EAPP: variants seen among roughly 807,000 people sequenced by gnomAD.
EAPP encodes E2F associated phosphoprotein.
In EAPP, 38 loss-of-function variants were observed where a neutral mutation model predicts 34.3. That is an observed-to-expected ratio of 1.11 (90% confidence interval 0.85 to 1.45). The LOEUF is 1.45. EAPP is among the 40% of genes most tolerant of loss of function. The pLI is 0.00. For synonymous variants in EAPP, 113 were observed against 117.6 expected, an observed-to-expected ratio of 0.96 and a Z score of 0.25; for missense variants, 338 against 343.7, an observed-to-expected ratio of 0.98 and a Z score of 0.13.
chr14:34,524,375 T>G (rs1880022020), intron 5 of EAPP, among the ~76,000 whole-genome samples: 1 of 151,888 alleles, frequency 6.6e-6, no homozygotes, highest in Non-Finnish European at 1.5e-5. Flanking sequence ...TACGACAGAG[T>G]GAGACTTCAT....
rs111572676 is a variant in EAPP, at chr14:34,517,752, T to G, written c.582-1166A>C. Among the ~76,000 whole-genome samples the G allele has an allele frequency of 2.8e-3, 427 of 151,976 alleles. 1 individual carries two copies. Among genetic ancestry groups the G allele is most frequent in the African/African-American group, 9.9e-3 (410 of 41,514 alleles). ...TCATTCCTGCCTTGATCTTTATTAT[T>G]TCTTTCCTTTTATTTTATTTAATAA... On this transcript the variant is annotated intron_variant, in intron 5 of 5. Transcript: ENST00000250454.
chr14:34,527,084 C>T (rs1206999349), intron 4 of EAPP, among the ~76,000 whole-genome samples: 4 of 150,042 alleles, frequency 2.7e-5, no homozygotes, highest in African/African-American at 9.8e-5. Flanking sequence ...ACAGAAGAAT[C>T]GCTTGAACCT....
rs1186269355 is a variant in EAPP at position 34,516,553 on chromosome 14, C to A, written c.615G>T (p.Met205Ile). 1.2e-6 allele frequency: 2 copies of A among 1,613,648 alleles called. No homozygotes were observed. The highest frequency in any genetic ancestry group is 1.3e-5 in the African/African-American group (1 of 74,828). The stretch of plus-strand genomic sequence containing the variant: ...TGTTAATAGAACAATTCATTACAAA[C>A]ATTGCTCTATATTGAGTTTTGTATG... Reference protein sequence around the residue: ...HESYKTQYRAMFVMNCSINKE... With the variant: ...HESYKTQYRAIFVMNCSINKE... Residue 205 changes from methionine (M) to isoleucine (I), a missense_variant, in exon 6 of 6, where the codon ATG (methionine) becomes ATT (isoleucine). Physicochemically the swap from Met to Ile is conservative, Grantham distance 10. Coordinates refer to ENST00000250454, the MANE Select transcript of EAPP (RefSeq NM_018453.4).
intron 5 of EAPP, among the ~76,000 whole-genome samples, chr14:34,523,801 AG>A (rs1206751472): frequency 1.3e-5 from 2 of 152,096 alleles, no homozygotes; most frequent in Non-Finnish European, 2.9e-5. Flanking sequence ...AGCCTCCCAT[AG>A]CACTGGGATT....
chr14:34,523,215 G>T (rs1403502730), intron 5 of EAPP, among the ~76,000 whole-genome samples: 1 of 150,894 alleles, frequency 6.6e-6, no homozygotes, highest in African/African-American at 2.4e-5. Context: ...CTTCTATGCT[G>T]CTATTTTGCA....
At chr14:34,519,412 G>A (rs934057046) in intron 5 of EAPP, among the ~76,000 whole-genome samples, 5 of 152,020 alleles carry the variant, frequency 3.3e-5, no homozygotes, top group African/African-American at 1.2e-4. Flanking sequence ...GTGTGTGCCT[G>A]TAGTCCCAGC....
intron 1 of EAPP, among the ~76,000 whole-genome samples, chr14:34,536,879 A>C (rs1880495935): frequency 6.6e-6 from 1 of 152,134 alleles, no homozygotes; most frequent in Admixed American, 6.6e-5. Context: ...GTCTCAAAAA[A>C]TACATAGATA....
At chr14:34,532,324 C>T (rs1454279189) in intron 3 of EAPP, among the ~76,000 whole-genome samples, 3 of 151,510 alleles carry the variant, frequency 2.0e-5, no homozygotes, top group Non-Finnish European at 2.9e-5. Flanking sequence ...CCAGGCATGG[C>T]GACAGGCGTC....
chr14:34,533,996 T>G (rs531398515), intron 2 of EAPP, among the ~76,000 whole-genome samples: 1 of 152,182 alleles, frequency 6.6e-6, no homozygotes, highest in African/African-American at 2.4e-5. Flanking sequence ...CCTATACTTA[T>G]GTCATCATAT....
chr14:34,516,290 T>G lies in EAPP; in HGVS notation c.*20A>C. ...TTGCCTTATATACAGTATTGGGTAATTAAATGCCAGTTGGGCTGTTTAGGA... is the reference window on the plus strand; with the variant it reads ...TTGCCTTATATACAGTATTGGGTAAGTAAATGCCAGTTGGGCTGTTTAGGA... On this transcript the variant is annotated 3_prime_UTR_variant, in exon 6 of 6. Transcript: ENST00000250454. The G allele has an allele frequency of 6.3e-7, 1 of 1,595,044 alleles. No individual in the cohort carries two copies. The highest frequency in any genetic ancestry group is 8.5e-7 in the Non-Finnish European group (1 of 1,170,434).
chr14:34,536,458 A>ATTTTTTTTTTTTTTTTTTTTTTTTTTTTT, intron 1 of EAPP, 183 bp from the exon 2 acceptor site: 1 of 126,138 alleles, frequency 7.9e-6, no homozygotes, highest in African/African-American at 4.5e-5. Flanking sequence ...ATCTTCTTTA[A>ATTTTTTTTTTTTTTTTTTTTTTTTTTTTT]TTTTTTTTTT....
At chr14:34,535,254 C>T (rs1220419209) in intron 2 of EAPP, among the ~76,000 whole-genome samples, 1 of 145,498 alleles carries the variant, frequency 6.9e-6, no homozygotes, top group Non-Finnish European at 1.5e-5. Context: ...CTCGGCCTCC[C>T]AAGTAGCTGG....
At chr14:34,528,119 G>A (rs954665910) in intron 4 of EAPP, among the ~76,000 whole-genome samples, 1 of 145,632 alleles carries the variant, frequency 6.9e-6, no homozygotes, top group African/African-American at 2.6e-5. Flanking sequence ...TCAGCTCACT[G>A]CAACCTCCAC....
chr14:34,524,438 C>G (rs1362695893), intron 5 of EAPP, among the ~76,000 whole-genome samples: 1 of 151,808 alleles, frequency 6.6e-6, no homozygotes, highest in Non-Finnish European at 1.5e-5. Flanking sequence ...CTATCTAGAT[C>G]TAGATCTAGA....
chr14:34,536,799 C>T (rs1880493066), intron 1 of EAPP, among the ~76,000 whole-genome samples: 1 of 152,168 alleles, frequency 6.6e-6, no homozygotes, highest in African/African-American at 2.4e-5. Context: ...CCGCAACCTC[C>T]ACCTCCTGGG....
At chr14:34,523,610 C>A (rs1274170104) in intron 5 of EAPP, among the ~76,000 whole-genome samples, 2 of 150,948 alleles carry the variant, frequency 1.3e-5, no homozygotes, top group Admixed American at 1.3e-4. Context: ...GGTCACAGCC[C>A]ACTGCAGTCT....
At position 34,516,252 on chromosome 14, in the gene EAPP, TAA is replaced by T; in HGVS notation, c.*56_*57del. The T allele has an allele frequency of 6.8e-7, 1 of 1,479,286 alleles. No homozygotes were observed. The highest frequency in any genetic ancestry group is 9.1e-7 in the Non-Finnish European group (1 of 1,096,702). 91.6% of individuals were successfully genotyped at this position (1,479,286 alleles called of 1,614,324 possible). On this transcript the variant is annotated 3_prime_UTR_variant, in exon 6 of 6. Transcript: ENST00000250454. ...AGGATATGAACAGGCAAGAGGAAAG[TAA>T]CTGTCCATATTTGCCTTATATACAG... is the stretch of plus-strand genomic sequence containing the variant.
At chr14:34,536,458 ATTTTTTTTTTT>A (rs5807779) in intron 1 of EAPP, 183 bp from the exon 2 acceptor site, 2 of 129,590 alleles carry the variant, frequency 1.5e-5, no homozygotes, top group South Asian at 1.5e-4. Context: ...ATCTTCTTTA[ATTTTTTTTTTT>A]TTTTTTTTTT....
In EAPP at chr14:34,516,555, T is replaced by C; in HGVS notation, c.613A>G (p.Met205Val). 4 of 1,613,698 alleles carry C rather than the reference T, an allele frequency of 2.5e-6. No individual in the cohort carries two copies. Among genetic ancestry groups the C allele is most frequent in the East Asian group, 4.5e-5 (2 of 44,886 alleles). ...TTAATAGAACAATTCATTACAAACA[T>C]TGCTCTATATTGAGTTTTGTATGAT... ...HESYKTQYRAMFVMNCSINKE... is the reference protein window; with the variant it reads ...HESYKTQYRAVFVMNCSINKE... Residue 205 changes from methionine to valine, a missense_variant, in exon 6 of 6, where the codon ATG becomes GTG. Coordinates refer to ENST00000250454, the MANE Select transcript of EAPP (RefSeq NM_018453.4).
Sources: gnomAD v4.1 joint callset for allele counts (sites outside exome capture counted in the v4.1 genomes callset) on GRCh38, gnomAD v4.1.1 for gene constraint, MANE v1.5 for transcripts, NCBI Gene and HGNC (gene_info 2026-07-23, HGNC 2026-07-21) for gene names.